Variants in CCNY observed in about 807,000 individuals in gnomAD.
CCNY encodes cyclin Y.
A neutral mutation model predicts 42.8 loss-of-function variants in CCNY; 19 were observed. The observed-to-expected ratio is 0.44, with a 90% CI of 0.31 to 0.65. The LOEUF (loss-of-function observed/expected upper bound fraction) is 0.65, where lower values mean the gene tolerates loss of function less well. CCNY is among the 30% of genes least tolerant of loss of function. The pLI, the probability that CCNY is intolerant of heterozygous loss-of-function variation, is 0.07. For synonymous variants in CCNY, 165 were observed against 162.7 expected (o/e 1.01, Z -0.11); for missense variants, 370 against 437.3 (o/e 0.85, Z 1.37).
At chr10:35,546,716 A>G (rs998640400) in intron 7 of CCNY, among the ~76,000 whole-genome samples, 2 of 152,212 alleles carry the variant, frequency 1.3e-5, no homozygotes, top group Non-Finnish European at 2.9e-5. Context: ...TGATTGCTTC[A>G]GTTAGCCGTA....
chr10:35,302,033 G>C (rs965311014), intron 3 of CCNY, among the ~76,000 whole-genome samples: 2 of 151,538 alleles, frequency 1.3e-5, no homozygotes, highest in Non-Finnish European at 2.9e-5. Flanking sequence ...GCGTGATCTC[G>C]GCTCACTGCA....
At chr10:35,394,764 T>C in intron 1 of CCNY, 1 of 777,182 alleles carries the variant, frequency 1.3e-6, no homozygotes, top group Non-Finnish European at 1.6e-6. Flanking sequence ...CATTCCTTAC[T>C]TAACCTCTGT....
intron 7 of CCNY, among the ~76,000 whole-genome samples, chr10:35,537,999 G>A (rs1437656962): frequency 6.6e-6 from 1 of 152,058 alleles, no homozygotes; most frequent in Non-Finnish European, 1.5e-5. Context: ...GGACCTGGTG[G>A]GAGATAATTG....
At chr10:35,361,315 G>A (rs779975296) in intron 1 of CCNY, among the ~76,000 whole-genome samples, 2 of 152,094 alleles carry the variant, frequency 1.3e-5, no homozygotes, top group Non-Finnish European at 2.9e-5. Flanking sequence ...TTATAAAAGT[G>A]TTGCCTCTAA....
At chr10:35,423,593 A>C (rs892619279) in intron 1 of CCNY, among the ~76,000 whole-genome samples, 1 of 151,274 alleles carries the variant, frequency 6.6e-6, no homozygotes, top group Non-Finnish European at 1.5e-5. Flanking sequence ...ACATTTTATT[A>C]AGGGATTTTT....
chr10:35,544,282 A>G (rs1307253697), intron 7 of CCNY, among the ~76,000 whole-genome samples: 2 of 152,108 alleles, frequency 1.3e-5, no homozygotes, highest in African/African-American at 4.8e-5. Flanking sequence ...GACCATTTTT[A>G]TCTTCAATAC....
intron 3 of CCNY, among the ~76,000 whole-genome samples, chr10:35,281,766 A>G (rs566192186): frequency 6.6e-6 from 1 of 152,322 alleles, no homozygotes; most frequent in Admixed American, 6.5e-5. Context: ...AAAGGGAGGA[A>G]CTACTGATAC....
At chr10:35,360,497 G>A (rs1188928996) in intron 1 of CCNY, among the ~76,000 whole-genome samples, 1 of 151,724 alleles carries the variant, frequency 6.6e-6, no homozygotes, top group Non-Finnish European at 1.5e-5. Context: ...GCTCAGGTTG[G>A]TCTTGAGCTC....
intron 3 of CCNY, among the ~76,000 whole-genome samples, chr10:35,282,122 T>G (rs1048778912): frequency 6.9e-6 from 1 of 143,896 alleles, no homozygotes; most frequent in South Asian, 2.3e-4. Flanking sequence ...CCCTTTTTTT[T>G]TTTTTTTTTT....
intron 1 of CCNY, among the ~76,000 whole-genome samples, chr10:35,454,966 TC>T (rs1838997441): frequency 6.6e-6 from 1 of 152,222 alleles, no homozygotes; most frequent in African/African-American, 2.4e-5. Context: ...CTGAAAACCT[TC>T]CCTGAATGCA....
Position 35,535,360 on chromosome 10 carries a change from A to T in CCNY, c.579+5117A>T, listed in dbSNP as rs144566808. Among the ~76,000 whole-genome samples the T allele has an allele frequency of 1.6e-3, 237 of 152,176 alleles. 2 individuals are homozygous for T. Among genetic ancestry groups the T allele is most frequent in the Non-Finnish European group, 2.9e-3 (194 of 68,008 alleles). ...CACCAGGGAGTGATTACACTCAACAAACCTTCTGGTGGCAGGTGCAGTTGT... is the reference window on the plus strand; with the variant it reads ...CACCAGGGAGTGATTACACTCAACATACCTTCTGGTGGCAGGTGCAGTTGT... On this transcript the variant is annotated intron_variant, in intron 7 of 9. Coordinates refer to ENST00000374704, the MANE Select transcript of CCNY (RefSeq NM_145012.6).
At chr10:35,494,025 G>C (rs1839954544) in intron 2 of CCNY, among the ~76,000 whole-genome samples, 1 of 152,200 alleles carries the variant, frequency 6.6e-6, no homozygotes, top group African/African-American at 2.4e-5. Context: ...CAGGACAAGA[G>C]TAGAGGGTGG....
At chr10:35,430,889 C>T (rs1172694462) in intron 1 of CCNY, among the ~76,000 whole-genome samples, 3 of 152,044 alleles carry the variant, frequency 2.0e-5, no homozygotes, top group Admixed American at 6.5e-5. Flanking sequence ...TCACGATCCG[C>T]GGGTGGATCA....
intron 1 of CCNY, among the ~76,000 whole-genome samples, chr10:35,340,412 TGAG>T (rs1344703732): frequency 2.6e-5 from 4 of 151,980 alleles, no homozygotes; most frequent in Admixed American, 1.3e-4. Flanking sequence ...ATTTAAAATG[TGAG>T]GAGACCAAAT....
At chr10:35,368,678 C>G (rs1404007505) in intron 1 of CCNY, among the ~76,000 whole-genome samples, 1 of 136,976 alleles carries the variant, frequency 7.3e-6, no homozygotes, top group Non-Finnish European at 1.6e-5. Context: ...ATTGACTGCT[C>G]TATAGCCCGG....
At chr10:35,443,864 T>C (rs1838728491) in intron 1 of CCNY, among the ~76,000 whole-genome samples, 2 of 152,200 alleles carry the variant, frequency 1.3e-5, no homozygotes, top group African/African-American at 4.8e-5. Context: ...TGTTCTCCTC[T>C]ATGTATGTCT....
intron 1 of CCNY, among the ~76,000 whole-genome samples, chr10:35,365,716 A>G (rs746168478): frequency 6.6e-6 from 1 of 152,206 alleles, no homozygotes; most frequent in African/African-American, 2.4e-5. Context: ...TATTGTACCA[A>G]TGTTAATTTT....
chr10:35,504,044 C>G (rs1377033918), intron 3 of CCNY, among the ~76,000 whole-genome samples: 4 of 152,140 alleles, frequency 2.6e-5, no homozygotes, highest in Non-Finnish European at 5.9e-5. Context: ...CCTTATTATA[C>G]CATTTCATTT....
intron 1 of CCNY, among the ~76,000 whole-genome samples, chr10:35,431,503 G>T (rs1372468187): frequency 6.7e-6 from 1 of 149,470 alleles, no homozygotes; most frequent in Non-Finnish European, 1.5e-5. Flanking sequence ...GTGTGGTGGT[G>T]GGGGAGAGAG....
Sources: allele counts gnomAD v4.1 joint callset (sites outside exome capture counted in the v4.1 genomes callset), GRCh38; gene constraint gnomAD v4.1.1; transcripts MANE v1.5; gene names NCBI Gene and HGNC (gene_info 2026-07-23, HGNC 2026-07-21).